Variants in TMEM196 observed in about 807,000 individuals in gnomAD.
TMEM196 encodes transmembrane protein 196.
TMEM196 carries 17 observed loss-of-function variants against 20.0 expected under a neutral mutation model. That is an observed-to-expected ratio of 0.85 (90% CI 0.58 to 1.27). TMEM196 has a LOEUF of 1.27. TMEM196 is among the 50% of genes most tolerant of loss of function. TMEM196 has a pLI of 0.00. For synonymous variants in TMEM196, 113 were observed against 88.9 expected (o/e 1.27, Z -1.52); for missense variants, 267 against 223.0 (o/e 1.20, Z -1.26).
At chr7:19,734,234 T>G (rs1214148728) in intron 1 of TMEM196, among the ~76,000 whole-genome samples, 4 of 152,134 alleles carry the variant, frequency 2.6e-5, no homozygotes, top group Non-Finnish European at 5.9e-5. Context: ...AAGTAGATAT[T>G]AAGATAAAAT....
chr7:19,771,145 A>C (rs1279098673), intron 1 of TMEM196, among the ~76,000 whole-genome samples: 7 of 152,308 alleles, frequency 4.6e-5, no homozygotes, highest in Non-Finnish European at 7.4e-5. Flanking sequence ...CTCTCCAAAT[A>C]ATTACTGCCA....
At chr7:19,734,863 T>C (rs1373574309) in intron 1 of TMEM196, among the ~76,000 whole-genome samples, 1 of 151,930 alleles carries the variant, frequency 6.6e-6, no homozygotes, top group Admixed American at 6.6e-5. Flanking sequence ...TTATTCCACA[T>C]AAAACTAAAA....
chr7:19,739,826 T>C (rs1015701302), intron 1 of TMEM196, among the ~76,000 whole-genome samples: 8 of 152,190 alleles, frequency 5.3e-5, no homozygotes, highest in African/African-American at 1.9e-4. Context: ...GCAGAAATCC[T>C]TTGATGCTGT....
Position 19,721,726 on chromosome 7 carries a change from C to T in TMEM196, c.*402G>A, listed in dbSNP as rs1783819076. On this transcript the variant is annotated 3_prime_UTR_variant, in exon 5 of 5. Transcript: ENST00000405844. ...TCTTGATATTTGCACTTTTCAATTA[C>T]TCATATGAAATATGTCATTACAAAT... is the stretch of plus-strand genomic sequence containing the variant. The T allele has an allele frequency of 5.8e-6, 1 of 170,988 alleles. No individual in the cohort carries two copies. The highest frequency in any genetic ancestry group is 1.7e-4 in the South Asian group (1 of 6,014). The allele number at this position is 170,988 out of a possible 1,614,324, so 10.6% of individuals were successfully genotyped here.
intron 1 of TMEM196, among the ~76,000 whole-genome samples, chr7:19,751,058 A>G (rs1784941819): frequency 6.6e-6 from 1 of 152,204 alleles, no homozygotes; most frequent in African/African-American, 2.4e-5. Flanking sequence ...TATTTTATAT[A>G]TTTCTTGTTA....
At chr7:19,763,590 G>A (rs1785513994) in intron 1 of TMEM196, among the ~76,000 whole-genome samples, 1 of 152,050 alleles carries the variant, frequency 6.6e-6, no homozygotes, top group Admixed American at 6.6e-5. Context: ...CTAAGAGAGG[G>A]TATATGACCT....
chr7:19,757,467 C>A (rs1014239477), intron 1 of TMEM196, among the ~76,000 whole-genome samples: 6 of 150,594 alleles, frequency 4.0e-5, no homozygotes. Context: ...GTCTCGAACT[C>A]CTAACCTCAA....
chr7:19,741,946 G>C (rs1440192941), intron 1 of TMEM196, among the ~76,000 whole-genome samples: 1 of 152,122 alleles, frequency 6.6e-6, no homozygotes, highest in African/African-American at 2.4e-5. Flanking sequence ...ACTTTCATCT[G>C]AATGCTGAGA....
rs1442211471 is a variant in TMEM196, at chr7:19,721,898, T to C, written c.*230A>G. 5 of 570,584 alleles carry C rather than the reference T, an allele frequency of 8.8e-6. No homozygotes were observed. In the Admixed American group the frequency reaches 1.6e-4, roughly 18 times the overall value. The allele number at this position is 570,584 out of a possible 1,614,324, so 35.3% of individuals were successfully genotyped here. On this transcript the variant is annotated 3_prime_UTR_variant, in exon 5 of 5. Transcript: ENST00000405844. Reference sequence around the variant, plus strand: ...ACTAGAATGTTTCTGGAAAGTTTTTTACCCCATAAAAAAGGGTGGAGAAAC... The same window carrying C: ...ACTAGAATGTTTCTGGAAAGTTTTTCACCCCATAAAAAAGGGTGGAGAAAC...
intron 1 of TMEM196, among the ~76,000 whole-genome samples, chr7:19,740,290 G>T (rs1006991127): frequency 2.6e-5 from 4 of 152,074 alleles, no homozygotes; most frequent in African/African-American, 9.7e-5. Flanking sequence ...AGAAAGGCAA[G>T]AAATATATAA....
chr7:19,766,101 A>G (rs1785618118), intron 1 of TMEM196, among the ~76,000 whole-genome samples: 1 of 152,196 alleles, frequency 6.6e-6, no homozygotes, highest in African/African-American at 2.4e-5. Flanking sequence ...TGAAATAGGT[A>G]CTAATATTTT....
intron 1 of TMEM196, among the ~76,000 whole-genome samples, chr7:19,748,736 A>G (rs1655582108): frequency 6.6e-6 from 1 of 152,214 alleles, no homozygotes; most frequent in African/African-American, 2.4e-5. Context: ...TTGCTTAGCT[A>G]AAAGGCAAGT....
intron 1 of TMEM196, 50 bp from the exon 2 acceptor site, chr7:19,729,488 C>G: frequency 6.6e-7 from 1 of 1,517,998 alleles, no homozygotes; most frequent in South Asian, 1.2e-5. Flanking sequence ...ACACGAGGAC[C>G]CCTAGATTTT....
intron 1 of TMEM196, among the ~76,000 whole-genome samples, chr7:19,756,566 T>A (rs148228286): frequency 2.4e-4 from 37 of 152,198 alleles, no homozygotes; most frequent in African/African-American, 8.9e-4. Flanking sequence ...TTCCCGTCTA[T>A]GAGTCCATAT....
chr7:19,754,453 A>G (rs1785119613), intron 1 of TMEM196, among the ~76,000 whole-genome samples: 1 of 152,202 alleles, frequency 6.6e-6, no homozygotes, highest in Non-Finnish European at 1.5e-5. Flanking sequence ...CCAAAAAGAG[A>G]ATATGATTAA....
chr7:19,723,856 G>C (rs897021738), intron 4 of TMEM196, among the ~76,000 whole-genome samples: 1 of 152,100 alleles, frequency 6.6e-6, no homozygotes, highest in African/African-American at 2.4e-5. Context: ...AAATTTTACC[G>C]TATTAGTGTC....
At chr7:19,765,157 T>A (rs1025558038) in intron 1 of TMEM196, among the ~76,000 whole-genome samples, 4 of 152,190 alleles carry the variant, frequency 2.6e-5, no homozygotes, top group Non-Finnish European at 5.9e-5. Context: ...GGACATTAGT[T>A]AACTATTAAT....
intron 1 of TMEM196, among the ~76,000 whole-genome samples, chr7:19,735,080 A>G (rs1008492778): frequency 6.6e-6 from 1 of 152,194 alleles, no homozygotes; most frequent in African/African-American, 2.4e-5. Context: ...TAAAATTTGT[A>G]ACATTCTTAT....
At chr7:19,750,481 C>T (rs1562620741) in intron 1 of TMEM196, among the ~76,000 whole-genome samples, 1 of 151,736 alleles carries the variant, frequency 6.6e-6, no homozygotes, top group Non-Finnish European at 1.5e-5. Flanking sequence ...TTATTATGTC[C>T]TTACACATAT....
Sources: gnomAD v4.1 joint callset for allele counts (sites outside exome capture counted in the v4.1 genomes callset) on GRCh38, gnomAD v4.1.1 for gene constraint, MANE v1.5 for transcripts, NCBI Gene and HGNC (gene_info 2026-07-23, HGNC 2026-07-21) for gene names.